PTK2: variants seen among roughly 807,000 people sequenced by gnomAD.
The protein encoded by PTK2 is protein tyrosine kinase 2, also known as focal adhesion kinase 1.
A neutral mutation model predicts 150.1 loss-of-function variants in PTK2; 45 were observed. That is an observed-to-expected ratio of 0.30 (90% confidence interval 0.24 to 0.38). The LOEUF is 0.38. PTK2 is among the 10% of genes least tolerant of loss of function. The pLI, the probability that PTK2 is intolerant of heterozygous loss-of-function variation, is 1.00. For synonymous variants in PTK2, 432 were observed against 449.2 expected (o/e 0.96, Z 0.48); for missense variants, 919 against 1,307.3 (o/e 0.70, Z 4.58).
chr8:140,744,132 A>G (rs2100057366), intron 19 of PTK2, among the ~76,000 whole-genome samples: 1 of 151,164 alleles, frequency 6.6e-6, no homozygotes, highest in African/African-American at 2.4e-5. Flanking sequence ...TAACAAAAAC[A>G]CCAATTCTAA....
chr8:140,814,837 A>T (rs4404962), intron 10 of PTK2, among the ~76,000 whole-genome samples: 1 of 150,864 alleles, frequency 6.6e-6, no homozygotes, highest in Admixed American at 6.6e-5. Flanking sequence ...TGCAATGACG[A>T]AATCTCGGCT....
intron 16 of PTK2, among the ~76,000 whole-genome samples, chr8:140,757,254 G>C (rs1347836310): frequency 2.0e-5 from 3 of 152,050 alleles, no homozygotes; most frequent in Non-Finnish European, 4.4e-5. Flanking sequence ...CTCAAACTGA[G>C]GCAGAGCCAG....
At chr8:140,666,175 T>C (rs1164489590) in intron 30 of PTK2, among the ~76,000 whole-genome samples, 3 of 152,076 alleles carry the variant, frequency 2.0e-5, no homozygotes, top group African/African-American at 7.2e-5. Context: ...CCGTCTCTAC[T>C]AAAAATACAA....
At chr8:140,891,462 G>A (rs2100154223) in intron 2 of PTK2, among the ~76,000 whole-genome samples, 1 of 152,016 alleles carries the variant, frequency 6.6e-6, no homozygotes, top group African/African-American at 2.4e-5. Flanking sequence ...AATGTTTGAA[G>A]GGCTCAGAGA....
chr8:140,674,221 A>G (rs373580452), intron 29 of PTK2, 77 bp downstream of exon 32: 1 of 1,375,414 alleles, frequency 7.3e-7, no homozygotes. Context: ...ACTCTATGAC[A>G]TGAACACATC....
At position 140,673,060 on chromosome 8, in the gene PTK2, T is replaced by C. The variant is rs141573462; in HGVS notation, c.2709+1238A>G. On this transcript the variant is annotated intron_variant, in intron 29 of 31. Transcript: ENST00000522684. ...AAGCAAAGTTTATCTTAACCTGATA[T>C]GACATTTTTCGGATTTTAAGATGTC... Among the ~76,000 whole-genome samples the C allele has an allele frequency of 4.5e-3, 690 of 152,024 alleles. 2 individuals are homozygous for C. Among genetic ancestry groups the C allele is most frequent in the African/African-American group, 0.016 (650 of 41,496 alleles).
intron 7 of PTK2, among the ~76,000 whole-genome samples, chr8:140,842,977 A>C (rs999770940): frequency 5.9e-5 from 9 of 152,242 alleles, no homozygotes; most frequent in Admixed American, 1.3e-4. Flanking sequence ...AAGTAATAAT[A>C]ATCACAAGCC....
intron 5 of PTK2, among the ~76,000 whole-genome samples, chr8:140,852,156 A>G (rs1001219615): frequency 1.3e-5 from 2 of 152,252 alleles, no homozygotes; most frequent in African/African-American, 4.8e-5. Context: ...CTGAGCACCT[A>G]AAACCCATGC....
At chr8:140,889,616 A>C (rs1453753047) in intron 3 of PTK2, among the ~76,000 whole-genome samples, 1 of 151,646 alleles carries the variant, frequency 6.6e-6, no homozygotes, top group Non-Finnish European at 1.5e-5. Flanking sequence ...CAAATTAATT[A>C]ATTTACTTAT....
At chr8:140,744,047 G>C (rs1171938341) in intron 19 of PTK2, among the ~76,000 whole-genome samples, 2 of 124,266 alleles carry the variant, frequency 1.6e-5, no homozygotes, top group Non-Finnish European at 3.2e-5. Flanking sequence ...AAAGTGCTGG[G>C]ACTACAGCTA....
rs34554819 is a variant in PTK2 at position 140,935,702 on chromosome 8, C to CTTT, written c.-121-9956_-121-9954dup. Among the ~76,000 whole-genome samples the CTTT allele has an allele frequency of 7.3e-5, 9 of 123,852 alleles. 1 individual carries two copies. Among genetic ancestry groups the CTTT allele is most frequent in the Admixed American group, 9.4e-5 (1 of 10,658 alleles). 81.3% of individuals were successfully genotyped at this position (123,852 alleles called of 152,430 possible). On this transcript the variant is annotated intron_variant, in intron 1 of 31. Transcript: ENST00000522684. ...ATCTCAATGCTCAGTATGTCCTCAT[C>CTTT]TTTTTTTTTTTTTTTGAGACAGAGT...
At chr8:140,722,424 T>G (rs2100043442) in intron 22 of PTK2, among the ~76,000 whole-genome samples, 1 of 152,140 alleles carries the variant, frequency 6.6e-6, no homozygotes, top group Admixed American at 6.5e-5. Flanking sequence ...GGTTGATTCT[T>G]TTTTATTTTT....
intron 17 of PTK2, 32 bp from the exon 21 acceptor site, chr8:140,746,892 CTTTTT>C (rs369382658): frequency 2.5e-4 from 250 of 988,560 alleles, no homozygotes; most frequent in Middle Eastern, 3.4e-4. Flanking sequence ...GTTATTCTTT[CTTTTT>C]TTTTTTTTTT....
intron 17 of PTK2, among the ~76,000 whole-genome samples, chr8:140,751,628 A>C (rs2100062726): frequency 6.6e-6 from 1 of 151,704 alleles, no homozygotes; most frequent in Admixed American, 6.6e-5. Flanking sequence ...AGTAGCTGGG[A>C]CTACAGGTGC....
chr8:140,878,300 C>T (rs1173977021), intron 4 of PTK2, among the ~76,000 whole-genome samples: 1 of 151,966 alleles, frequency 6.6e-6, no homozygotes, highest in Non-Finnish European at 1.5e-5. Flanking sequence ...GGGTTTTATT[C>T]AACATAAGAT....
chr8:140,668,526 G>T, intron 29 of PTK2, 102 bp from the exon 34 acceptor site: 1 of 1,322,886 alleles, frequency 7.6e-7, no homozygotes, highest in Non-Finnish European at 1.0e-6. Flanking sequence ...AAAGCAGATT[G>T]CAGAAGGTCA....
intron 5 of PTK2, among the ~76,000 whole-genome samples, chr8:140,863,167 A>G (rs892104549): frequency 4.6e-5 from 7 of 152,202 alleles, no homozygotes; most frequent in African/African-American, 7.2e-5. Flanking sequence ...GACTTACATA[A>G]TAAGCCTTTT....
intron 14 of PTK2, among the ~76,000 whole-genome samples, chr8:140,778,880 A>T (rs1241431264): frequency 6.6e-6 from 1 of 152,172 alleles, no homozygotes; most frequent in Non-Finnish European, 1.5e-5. Flanking sequence ...CTTAAAATTG[A>T]AATTATAGGA....
chr8:140,949,450 T>C (rs1272301129), intron 1 of PTK2, among the ~76,000 whole-genome samples: 1 of 152,198 alleles, frequency 6.6e-6, no homozygotes, highest in Admixed American at 6.5e-5. Context: ...GCTCCGGAGC[T>C]GGGCATCCCT....
Sources: gnomAD v4.1 joint callset for allele counts (sites outside exome capture counted in the v4.1 genomes callset) on GRCh38, gnomAD v4.1.1 for gene constraint, MANE v1.5 for transcripts, NCBI Gene and HGNC (gene_info 2026-07-23, HGNC 2026-07-21) for gene names.